Variants in PARD3 observed in about 807,000 individuals in gnomAD.
The protein encoded by PARD3 is partitioning defective 3 homolog.
A neutral mutation model predicts 155.4 loss-of-function variants in PARD3; 75 were observed. The ratio of observed to expected loss-of-function variants is 0.48; its 90% CI spans 0.40 to 0.58. PARD3 has a LOEUF of 0.58. PARD3 is among the 20% of genes least tolerant of loss of function. PARD3 has a pLI of 0.00. For synonymous variants in PARD3, 576 were observed against 610.5 expected (o/e 0.94, Z 0.83); for missense variants, 1,642 against 1,721.7 (o/e 0.95, Z 0.82).
rs373363849 is a variant in PARD3, at chr10:34,574,655, T to C, written c.223-57496A>G. ...GGGAGTTAAGCCCAATTCACTCTTC[T>C]ATGGGCTTTATTAAAGTATGACTCA... On this transcript the variant is annotated intron_variant, in intron 2 of 24. Coordinates refer to ENST00000374788, the MANE Select transcript of PARD3 (RefSeq NM_001184785.2). Among the ~76,000 whole-genome samples, 87 of 152,322 alleles carry C rather than the reference T, an allele frequency of 5.7e-4. 1 individual carries two copies. The South Asian group carries it at 0.017, about 30-fold the overall frequency.
chr10:34,401,742 A>T, intron 6 of PARD3, 84 bp downstream of exon 6: 3 of 878,482 alleles, frequency 3.4e-6, no homozygotes, highest in Non-Finnish European at 5.9e-6. Context: ...AACATTCCTC[A>T]TGCCATATGC....
At chr10:34,614,589 T>C (rs2091127140) in intron 2 of PARD3, among the ~76,000 whole-genome samples, 1 of 152,232 alleles carries the variant, frequency 6.6e-6, no homozygotes, top group African/African-American at 2.4e-5. Context: ...TAAATATAAA[T>C]GTCTACATAT....
intron 4 of PARD3, among the ~76,000 whole-genome samples, chr10:34,451,218 T>C (rs1445000110): frequency 6.6e-6 from 1 of 152,224 alleles, no homozygotes; most frequent in Admixed American, 6.5e-5. Context: ...TAAAACCTCA[T>C]TTCAATGTTC....
chr10:34,331,753 C>CTTT (rs35638866), intron 18 of PARD3, among the ~76,000 whole-genome samples: 3 of 148,370 alleles, frequency 2.0e-5, no homozygotes, highest in Non-Finnish European at 4.5e-5. Flanking sequence ...TAATTAAAAC[C>CTTT]TTTTTTTTTT....
At chr10:34,353,935 GAAGA>G (rs1377797614) in intron 14 of PARD3, among the ~76,000 whole-genome samples, 1 of 151,016 alleles carries the variant, frequency 6.6e-6, no homozygotes, top group African/African-American at 2.4e-5. Context: ...CTTTTTCTTT[GAAGA>G]AAGAAAAAAG....
intron 22 of PARD3, among the ~76,000 whole-genome samples, chr10:34,253,689 C>T (rs987157944): frequency 3.3e-5 from 2 of 60,866 alleles, no homozygotes; most frequent in Admixed American, 1.9e-4. Context: ...AAGAATCAGA[C>T]GACCACTCAG....
intron 1 of PARD3, among the ~76,000 whole-genome samples, chr10:34,762,469 CTTTTTTTTTTT>C (rs72049773): frequency 1.0e-5 from 1 of 98,660 alleles, no homozygotes; most frequent in Non-Finnish European, 2.0e-5. Context: ...CCATGCCTGA[CTTTTTTTTTTT>C]TTTTTTTTTG....
intron 22 of PARD3, among the ~76,000 whole-genome samples, chr10:34,229,469 G>C (rs1952798944): frequency 6.6e-6 from 1 of 151,970 alleles, no homozygotes; most frequent in Admixed American, 6.6e-5. Context: ...GCTGGTCTCT[G>C]AACTTCTGAC....
At chr10:34,608,473 T>C (rs73267384) in intron 2 of PARD3, among the ~76,000 whole-genome samples, 7,202 of 151,874 alleles carry the variant, frequency 0.047, 526 homozygotes, top group African/African-American at 0.16. Flanking sequence ...TCTGCATCTA[T>C]GAATTCAACC....
At chr10:34,372,584 T>C (rs1231056982) in intron 11 of PARD3, 48 bp from the exon 12 acceptor site, 1 of 1,289,454 alleles carries the variant, frequency 7.8e-7, no homozygotes, top group Non-Finnish European at 1.1e-6. Context: ...CAAAGCCATC[T>C]TCAACACACA....
chr10:34,494,384 T>C (rs1012368311), intron 3 of PARD3, among the ~76,000 whole-genome samples: 3 of 152,218 alleles, frequency 2.0e-5, no homozygotes, highest in Admixed American at 6.5e-5. Flanking sequence ...ACAATTCTTA[T>C]ACACTTGAAC....
intron 22 of PARD3, among the ~76,000 whole-genome samples, chr10:34,180,056 T>G (rs1409772665): frequency 3.4e-5 from 5 of 148,442 alleles, no homozygotes; most frequent in Admixed American, 1.3e-4. Context: ...AGCATTTTTG[T>G]TTTTTTTTTG....
chr10:34,608,162 C>CGGCT (rs1174855538), intron 2 of PARD3, among the ~76,000 whole-genome samples: 1 of 152,160 alleles, frequency 6.6e-6, no homozygotes, highest in Non-Finnish European at 1.5e-5. Context: ...CAGGATGCTG[C>CGGCT]AGCCATCAGA....
intron 2 of PARD3, among the ~76,000 whole-genome samples, chr10:34,656,562 G>C (rs2093171931): frequency 6.6e-6 from 1 of 152,128 alleles, no homozygotes; most frequent in Admixed American, 6.5e-5. Context: ...CAATACAAAA[G>C]AACCAATCCA....
chr10:34,338,323 T>C (rs1009013355), intron 16 of PARD3, among the ~76,000 whole-genome samples: 5 of 152,222 alleles, frequency 3.3e-5, no homozygotes, highest in African/African-American at 1.2e-4. Context: ...CTCCTGTTTG[T>C]AAAAATCTGT....
intron 22 of PARD3, among the ~76,000 whole-genome samples, chr10:34,173,391 T>G (rs1949892669): frequency 6.6e-6 from 1 of 152,194 alleles, no homozygotes; most frequent in African/African-American, 2.4e-5. Context: ...GATCAAGGTT[T>G]GAGGACAGGA....
At chr10:34,438,000 A>C (rs1235720451) in intron 5 of PARD3, among the ~76,000 whole-genome samples, 5 of 152,202 alleles carry the variant, frequency 3.3e-5, no homozygotes, top group Non-Finnish European at 7.3e-5. Flanking sequence ...ATCTCACATA[A>C]GTAGCTCATA....
intron 22 of PARD3, among the ~76,000 whole-genome samples, chr10:34,179,303 G>C (rs1950171701): frequency 6.6e-6 from 1 of 152,200 alleles, no homozygotes; most frequent in African/African-American, 2.4e-5. Flanking sequence ...TAGCCCTCCA[G>C]TGGAACATTT....
intron 1 of PARD3, among the ~76,000 whole-genome samples, chr10:34,712,375 C>G (rs567470341): frequency 1.3e-5 from 2 of 152,350 alleles, no homozygotes; most frequent in East Asian, 1.9e-4. Flanking sequence ...ACCATGAAAG[C>G]AGGCACCTGG....
Sources: gnomAD v4.1 joint callset for allele counts (sites outside exome capture counted in the v4.1 genomes callset) on GRCh38, gnomAD v4.1.1 for gene constraint, MANE v1.5 for transcripts, NCBI Gene and HGNC (gene_info 2026-07-23, HGNC 2026-07-21) for gene names.